The following NXPE2 variants were observed in gnomAD, a reference collection of about 807,000 sequenced individuals.
NXPE2 encodes NXPE family member 2.
A neutral mutation model predicts 34.4 loss-of-function variants in NXPE2; 34 were observed. The observed-to-expected ratio is 0.99, with a 90% CI of 0.75 to 1.31. The LOEUF is 1.31. Ranked by LOEUF, NXPE2 falls within the 40% of genes most tolerant of loss-of-function variation. NXPE2 has a pLI of 0.00. For synonymous variants in NXPE2, 235 were observed against 231.3 expected, an observed-to-expected ratio of 1.02 and a Z score of -0.15; for missense variants, 649 against 672.5, an observed-to-expected ratio of 0.97 and a Z score of 0.39.
the NXPE2 span, among the ~76,000 whole-genome samples, chr11:114,483,868 A>G: frequency 1.9e-3 from 287 of 152,240 alleles, no homozygotes; most frequent in South Asian, 8.1e-3. Flanking sequence ...TGGTAGTAGG[A>G]GTTCCATCCC....
At chr11:114,626,349 C>A in the NXPE2 span, among the ~76,000 whole-genome samples, 1 of 152,220 alleles carries the variant, frequency 6.6e-6, no homozygotes, top group Non-Finnish European at 1.5e-5. Context: ...AGACTGCCTC[C>A]TCAAGTGGGT....
the NXPE2 span, among the ~76,000 whole-genome samples, chr11:114,718,000 G>A: frequency 6.6e-6 from 1 of 152,180 alleles, no homozygotes; most frequent in Non-Finnish European, 1.5e-5. Context: ...CATTTTAAGG[G>A]CTGAGTTCTG....
the NXPE2 span, chr11:114,530,739 G>A: frequency 1.9e-6 from 3 of 1,614,096 alleles, no homozygotes; most frequent in Non-Finnish European, 2.5e-6. Context: ...GTTCACATGG[G>A]TGAAAGGTCT....
In NXPE2 at chr11:114,679,847, A is replaced by C. The variant is rs971230390; in HGVS notation, c.132+85A>C. 6.7e-5 allele frequency: 52 copies of C among 771,628 alleles called. No homozygotes were observed. The African/African-American group carries it at 8.3e-4, about 12-fold the overall frequency. The allele number at this position is 771,628 out of a possible 1,614,324, so 47.8% of individuals were successfully genotyped here. On this transcript the variant is annotated intron_variant, in intron 2 of 5. Transcript: ENST00000389586. ...CCCCTTTATCATGGCAAGAAATAAAAGTTAAAAGCATATCATCTTAGCAGG... is the reference window on the plus strand; with the variant it reads ...CCCCTTTATCATGGCAAGAAATAAACGTTAAAAGCATATCATCTTAGCAGG...
the NXPE2 span, among the ~76,000 whole-genome samples, chr11:114,648,997 C>T: frequency 6.6e-6 from 1 of 151,942 alleles, no homozygotes; most frequent in Admixed American, 6.6e-5. Flanking sequence ...TATTTTTATA[C>T]AAAAATAATA....
the NXPE2 span, among the ~76,000 whole-genome samples, chr11:114,639,405 A>T: frequency 6.6e-6 from 1 of 151,374 alleles, no homozygotes; most frequent in Non-Finnish European, 1.5e-5. Context: ...GAACTCCCTG[A>T]CCCCTTGCGC....
At chr11:114,676,897 T>C (rs778142031), upstream of NXPE2, among the ~76,000 whole-genome samples, 42 of 151,976 alleles carry the variant, frequency 2.8e-4, no homozygotes, top group Admixed American at 4.6e-4. Context: ...AATTGTGTCA[T>C]ATATACACAT....
the NXPE2 span, among the ~76,000 whole-genome samples, chr11:114,573,135 T>C: frequency 6.6e-6 from 1 of 152,108 alleles, no homozygotes; most frequent in African/African-American, 2.4e-5. Flanking sequence ...GAAGAAAAGA[T>C]AGTCTTTTCG....
At chr11:114,785,560 T>A in the NXPE2 span, among the ~76,000 whole-genome samples, 1 of 152,212 alleles carries the variant, frequency 6.6e-6, no homozygotes, top group African/African-American at 2.4e-5. Flanking sequence ...TGTGTGTCTT[T>A]AGCAACACTG....
chr11:114,527,781 G>A, the NXPE2 span: 2 of 1,180,314 alleles, frequency 1.7e-6, no homozygotes, highest in Non-Finnish European at 2.4e-6. Context: ...AATTATTTAG[G>A]TTAATGCTGA....
chr11:114,704,184 G>T (rs1951428788), intron 4 of NXPE2, 132 bp downstream of exon 4: 5 of 647,860 alleles, frequency 7.7e-6, no homozygotes, highest in Non-Finnish European at 1.3e-5. Context: ...CAACCACCTT[G>T]GGTTTTAGAG....
the NXPE2 span, among the ~76,000 whole-genome samples, chr11:114,566,917 C>G: frequency 6.6e-6 from 1 of 152,088 alleles, no homozygotes; most frequent in African/African-American, 2.4e-5. Context: ...CCTCTTGACT[C>G]CAAATTTGCC....
At chr11:114,624,601 G>A in the NXPE2 span, among the ~76,000 whole-genome samples, 1 of 151,584 alleles carries the variant, frequency 6.6e-6, no homozygotes, top group Non-Finnish European at 1.5e-5. Flanking sequence ...TGGATTATAA[G>A]TATTGCCTCA....
chr11:114,722,062 C>T, the NXPE2 span, among the ~76,000 whole-genome samples: 1 of 152,122 alleles, frequency 6.6e-6, no homozygotes, highest in African/African-American at 2.4e-5. Context: ...GAGTCTCAAC[C>T]TTTTCTTCAT....
At chr11:114,813,568 T>A in the NXPE2 span, among the ~76,000 whole-genome samples, 2 of 152,232 alleles carry the variant, frequency 1.3e-5, no homozygotes, top group East Asian at 3.8e-4. Flanking sequence ...GGATGGGGCA[T>A]GTCTGGGGGA....
At chr11:114,622,095 G>A in the NXPE2 span, among the ~76,000 whole-genome samples, 1 of 151,932 alleles carries the variant, frequency 6.6e-6, no homozygotes, top group Non-Finnish European at 1.5e-5. Flanking sequence ...AATAAGTACT[G>A]CCTCATCAGT....
chr11:114,654,864 T>C, the NXPE2 span, among the ~76,000 whole-genome samples: 1 of 152,212 alleles, frequency 6.6e-6, no homozygotes, highest in African/African-American at 2.4e-5. Context: ...TCAAATGGTA[T>C]TTCTGGTTCT....
the NXPE2 span, chr11:114,579,999 T>C: frequency 1.4e-6 from 1 of 728,502 alleles, no homozygotes; most frequent in Non-Finnish European, 2.4e-6. Flanking sequence ...TAACAATGCC[T>C]TGTGAAAAAT....
chr11:114,501,784 A>G, the NXPE2 span, among the ~76,000 whole-genome samples: 4 of 152,178 alleles, frequency 2.6e-5, no homozygotes, highest in Non-Finnish European at 4.4e-5. Flanking sequence ...TAGTATCTCA[A>G]CGTATCAGTG....
Sources: allele counts gnomAD v4.1 joint callset (sites outside exome capture counted in the v4.1 genomes callset), GRCh38; gene constraint gnomAD v4.1.1; transcripts MANE v1.5; gene names NCBI Gene and HGNC (gene_info 2026-07-23, HGNC 2026-07-21).